Variants in THOC5 observed in about 807,000 individuals in gnomAD.
THOC5 encodes the protein Fms-interacting protein.
In THOC5, 43 loss-of-function variants were observed where a neutral mutation model predicts 92.9. The observed-to-expected ratio is 0.46, with a 90% CI of 0.36 to 0.60. The LOEUF is 0.60. Ranked by LOEUF, THOC5 falls within the 20% of genes least tolerant of loss-of-function variation. The pLI is 0.00. For synonymous variants in THOC5, 296 were observed against 320.1 expected, an observed-to-expected ratio of 0.92 and a Z score of 0.80; for missense variants, 659 against 849.4, an observed-to-expected ratio of 0.78 and a Z score of 2.79.
At chr22:29,552,781 G>T (rs1183509075) in intron 1 of THOC5, among the ~76,000 whole-genome samples, 1 of 152,194 alleles carries the variant, frequency 6.6e-6, no homozygotes, top group African/African-American at 2.4e-5. Flanking sequence ...TGACGATGGC[G>T]GTTTTGTCTA....
At chr22:29,539,307 G>A in intron 6 of THOC5, 23 bp downstream of exon 6, 1 of 1,611,172 alleles carries the variant, frequency 6.2e-7, no homozygotes, top group Non-Finnish European at 8.5e-7. Context: ...GTGGTTAAAA[G>A]GTCAGGAAGG....
chr22:29,513,095 A>G (rs1340561257), intron 17 of THOC5, among the ~76,000 whole-genome samples: 1 of 152,204 alleles, frequency 6.6e-6, no homozygotes, highest in Non-Finnish European at 1.5e-5. Flanking sequence ...TCACGCCTGT[A>G]ATCCCAGCAC....
At chr22:29,552,526 A>G in intron 1 of THOC5, among the ~76,000 whole-genome samples, 1 of 147,154 alleles carries the variant, frequency 6.8e-6, no homozygotes, top group East Asian at 2.1e-4. Context: ...CCCGTCCGGG[A>G]GGTGGGGGGC....
At position 29,553,112 on chromosome 22, in the gene THOC5, A is replaced by T. The variant is rs533985480; in HGVS notation, c.-12+559T>A. ...GGACACAAACACTGCGGAAGGCTGC[A>T]GGGTCCTCTGCCTAGGAAAACCAGA... On this transcript the variant is annotated intron_variant, in intron 1 of 19. Coordinates refer to ENST00000490103, the MANE Select transcript of THOC5 (RefSeq NM_003678.5). 2.0e-5 allele frequency among the ~76,000 whole-genome samples: 3 copies of T among 152,288 alleles called. No individual in the cohort carries two copies. The East Asian group carries it at 5.8e-4, about 29-fold the overall frequency.
rs1309562207 is a variant in THOC5 at position 29,528,176 on chromosome 22, T to G, written c.968A>C (p.Lys323Thr). 6.2e-7 allele frequency: 1 copy of G among 1,613,960 alleles called. No individual in the cohort carries two copies. Among genetic ancestry groups the G allele is most frequent in the Non-Finnish European group, 8.5e-7 (1 of 1,179,976 alleles). ...DSDAEEEQTT[K>T]RRRPTLGVQL... ...AACCCCCAGTGTGGGTCTCCGGCGC[T>G]TCTGGACAAAGGAAAGTGCCAAGCT... Residue 323 changes from lysine (K) to threonine (T), a missense_variant and splice_region_variant, in exon 11 of 20, where the codon AAG becomes ACG. By Grantham distance (78) the Lys-to-Thr change is moderately conservative. Coordinates refer to ENST00000490103, the MANE Select transcript of THOC5 (RefSeq NM_003678.5).
intron 18 of THOC5, 105 bp downstream of exon 18, chr22:29,511,915 TG>T (rs1363252128): frequency 1.1e-6 from 1 of 886,674 alleles, no homozygotes; most frequent in Non-Finnish European, 1.8e-6. Context: ...CCTTCTGTTT[TG>T]GGAATTAAGG....
Position 29,551,904 on chromosome 22 carries a change from GCCTGCCGAGTGCCTGCA to G in THOC5, c.-12+1750_-12+1766del, listed in dbSNP as rs1410197708. 7.3e-5 allele frequency among the ~76,000 whole-genome samples: 11 copies of G among 149,792 alleles called. No homozygotes were observed. In the East Asian group the frequency reaches 2.0e-3, roughly 27 times the overall value. On this transcript the variant is annotated intron_variant, in intron 1 of 19. Coordinates refer to ENST00000490103, the MANE Select transcript of THOC5 (RefSeq NM_003678.5). Reference sequence around the variant, plus strand: ...CTCTCTGCCTGATTCTCCTGCCTCAGCCTGCCGAGTGCCTGCAATTGCAGGCGCGCGCCGCCACGCCT... The same window carrying G: ...CTCTCTGCCTGATTCTCCTGCCTCAGATTGCAGGCGCGCGCCGCCACGCCT...
chr22:29,530,435 G>T (rs565483022), intron 8 of THOC5, among the ~76,000 whole-genome samples: 2 of 151,712 alleles, frequency 1.3e-5, no homozygotes, highest in African/African-American at 4.8e-5. Flanking sequence ...AGGGAGAATT[G>T]CTTGAACCTG....
At chr22:29,519,406 T>C (rs2063395447) in intron 14 of THOC5, among the ~76,000 whole-genome samples, 1 of 152,222 alleles carries the variant, frequency 6.6e-6, no homozygotes. Context: ...TGCCTCATAT[T>C]TGGTACTTGC....
intron 7 of THOC5, among the ~76,000 whole-genome samples, 156 bp from the exon 8 acceptor site, chr22:29,532,119 A>G (rs2063667819): frequency 6.6e-6 from 1 of 152,234 alleles, no homozygotes; most frequent in Non-Finnish European, 1.5e-5. Flanking sequence ...AAACAAAATT[A>G]TATTTCTTTA....
chr22:29,521,172 G>T, intron 12 of THOC5, 73 bp from the exon 13 acceptor site: 2 of 1,108,104 alleles, frequency 1.8e-6, no homozygotes, highest in East Asian at 2.4e-5. Context: ...GGGCATTTGG[G>T]GATGGTAATG....
At chr22:29,542,632 T>C (rs1278575487) in intron 5 of THOC5, among the ~76,000 whole-genome samples, 1 of 151,802 alleles carries the variant, frequency 6.6e-6, no homozygotes, top group Non-Finnish European at 1.5e-5. Context: ...GATGTGGAGG[T>C]GGGCGCCTGC....
intron 2 of THOC5, 124 bp from the exon 3 acceptor site, chr22:29,544,727 C>CT: frequency 1.0e-6 from 1 of 964,924 alleles, no homozygotes; most frequent in Non-Finnish European, 1.5e-6. Context: ...AGTCAGGTCT[C>CT]TAAAAGATCT....
rs778434145 is a variant in THOC5, at chr22:29,517,096, G to A, written c.1614C>T (p.Asp538=). 1.5e-5 allele frequency: 25 copies of A among 1,614,064 alleles called. No individual in the cohort carries two copies. Among genetic ancestry groups the A allele is most frequent in the Non-Finnish European group, 2.1e-5 (25 of 1,180,052 alleles). ...CCCCAGCCAGTCCCGCATCCACAAT[G>A]TCTTTGGTGAAGTGCAGCTCCTAGA... ...EDYMELHFTK[D]IVDAGLAGDT... The change falls in exon 17 of 20, where the codon GAC becomes GAT. Residue 538 remains aspartate (D), a synonymous_variant. Coordinates refer to ENST00000490103, the MANE Select transcript of THOC5 (RefSeq NM_003678.5).
intron 9 of THOC5, chr22:29,528,840 T>C (rs1454407981): frequency 2.0e-6 from 1 of 496,202 alleles, no homozygotes. Context: ...AAAGGCTGTA[T>C]GTGCATTACC....
intron 2 of THOC5, among the ~76,000 whole-genome samples, chr22:29,547,154 T>G (rs993804320): frequency 6.6e-6 from 1 of 152,024 alleles, no homozygotes; most frequent in Non-Finnish European, 1.5e-5. Context: ...CTGTCACCTT[T>G]TGAATGGTTT....
At chr22:29,542,485 T>G (rs911938292) in intron 5 of THOC5, among the ~76,000 whole-genome samples, 3 of 152,122 alleles carry the variant, frequency 2.0e-5, no homozygotes, top group African/African-American at 7.2e-5. Context: ...AGACTTAGGC[T>G]GGGAGCGGTG....
intron 17 of THOC5, among the ~76,000 whole-genome samples, chr22:29,516,691 G>A (rs936376236): frequency 3.9e-5 from 6 of 152,248 alleles, no homozygotes; most frequent in Non-Finnish European, 7.3e-5. Flanking sequence ...TATGAAGAGG[G>A]AGAAGGAGGA....
intron 2 of THOC5, among the ~76,000 whole-genome samples, chr22:29,547,095 C>T (rs2064037904): frequency 6.6e-6 from 1 of 152,042 alleles, no homozygotes; most frequent in Non-Finnish European, 1.5e-5. Context: ...TCACCTGCCT[C>T]GGCCTCCCAA....
Sources: gnomAD v4.1 joint callset for allele counts (sites outside exome capture counted in the v4.1 genomes callset) on GRCh38, gnomAD v4.1.1 for gene constraint, MANE v1.5 for transcripts, NCBI Gene and HGNC (gene_info 2026-07-23, HGNC 2026-07-21) for gene names.